The following SIAH3 variants were observed in gnomAD, a reference collection of about 807,000 sequenced individuals.
SIAH3 encodes the protein seven in absentia homolog 3.
SIAH3 carries 9 observed loss-of-function variants against 12.6 expected under a neutral mutation model. The observed-to-expected ratio is 0.72, with a 90% confidence interval of 0.43 to 1.25. The LOEUF is 1.25. Among genes scored for constraint, SIAH3 ranks in the 50% most tolerant of loss-of-function variants. SIAH3 has a pLI of 0.00. For synonymous variants in SIAH3, 154 were observed against 151.1 expected (o/e 1.02, Z -0.14); for missense variants, 390 against 365.4 (o/e 1.07, Z -0.55).
intron 1 of SIAH3, among the ~76,000 whole-genome samples, chr13:45,836,158 G>T (rs1430637959): frequency 6.6e-6 from 1 of 152,188 alleles, no homozygotes; most frequent in Admixed American, 6.5e-5. Flanking sequence ...GCAGATAGAG[G>T]GGGTCAAGGA....
At chr13:45,835,247 G>A (rs931513570) in intron 1 of SIAH3, among the ~76,000 whole-genome samples, 1 of 152,170 alleles carries the variant, frequency 6.6e-6, no homozygotes, top group African/African-American at 2.4e-5. Context: ...GAAACTTGAA[G>A]TATTTCTCAA....
chr13:45,806,214 G>C (rs571750510), intron 1 of SIAH3, among the ~76,000 whole-genome samples: 2 of 152,260 alleles, frequency 1.3e-5, no homozygotes, highest in African/African-American at 2.4e-5. Flanking sequence ...TTCCATTATG[G>C]AGTATATATG....
At chr13:45,813,144 G>A (rs1327884065) in intron 1 of SIAH3, among the ~76,000 whole-genome samples, 1 of 151,930 alleles carries the variant, frequency 6.6e-6, no homozygotes, top group Non-Finnish European at 1.5e-5. Context: ...AACATGGTGA[G>A]CCTGTGTCAG....
At position 45,806,452 on chromosome 13, in the gene SIAH3, G is replaced by A. The variant is rs189873841; in HGVS notation, c.136-22395C>T. On this transcript the variant is annotated intron_variant, in intron 1 of 1. Coordinates refer to ENST00000400405, the MANE Select transcript of SIAH3 (RefSeq NM_198849.3). ...GGAGCTAGAGGCCATGATATTAAGC[G>A]AAGTAATGCAGGAACAGAAAACCAA... is the stretch of plus-strand genomic sequence containing the variant. Among the ~76,000 whole-genome samples, 591 of 152,244 alleles carry A rather than the reference G, an allele frequency of 3.9e-3. 2 individuals carry two copies. The highest frequency in any genetic ancestry group is 0.014 in the African/African-American group (565 of 41,548).
intron 1 of SIAH3, among the ~76,000 whole-genome samples, chr13:45,815,668 C>G (rs1032057948): frequency 6.6e-6 from 1 of 152,194 alleles, no homozygotes. Context: ...TACATCTCAT[C>G]CACTAGGAAG....
At chr13:45,839,725 G>A (rs7987023) in intron 1 of SIAH3, among the ~76,000 whole-genome samples, 15,225 of 152,002 alleles carry the variant, frequency 0.1, 846 homozygotes, top group Middle Eastern at 0.22. Context: ...CCAGCTACTA[G>A]GGAGGCTGAG....
intron 1 of SIAH3, among the ~76,000 whole-genome samples, chr13:45,828,585 G>A (rs61206992): frequency 0.092 from 14,059 of 152,246 alleles, 948 homozygotes; most frequent in East Asian, 0.36. Context: ...ATGAAAGATA[G>A]TCCAAATTTC....
At chr13:45,833,421 G>T (rs115248677) in intron 1 of SIAH3, among the ~76,000 whole-genome samples, 1 of 151,984 alleles carries the variant, frequency 6.6e-6, no homozygotes, top group Non-Finnish European at 1.5e-5. Context: ...CCAGCTGCTT[G>T]CCATGACAGT....
At chr13:45,806,281 G>A (rs1160720904) in intron 1 of SIAH3, among the ~76,000 whole-genome samples, 1 of 152,072 alleles carries the variant, frequency 6.6e-6, no homozygotes, top group African/African-American at 2.4e-5. Context: ...TTTCATCACA[G>A]CACTCCTCAC....
chr13:45,850,204 C>T (rs1050838142), intron 1 of SIAH3, among the ~76,000 whole-genome samples: 3 of 152,220 alleles, frequency 2.0e-5, no homozygotes, highest in Non-Finnish European at 4.4e-5. Flanking sequence ...TCGCCCCTCC[C>T]CCAGGACTGG....
At chr13:45,830,961 C>T (rs1415961296) in intron 1 of SIAH3, among the ~76,000 whole-genome samples, 1 of 152,066 alleles carries the variant, frequency 6.6e-6, no homozygotes, top group Non-Finnish European at 1.5e-5. Context: ...GGCGGATCAC[C>T]TGAGGTTAGG....
intron 1 of SIAH3, among the ~76,000 whole-genome samples, chr13:45,784,398 G>GTTTTTTTTTTTTTTTTTT (rs35686357): frequency 1.1e-3 from 71 of 65,790 alleles, no homozygotes; most frequent in South Asian, 2.1e-3. Flanking sequence ...AAAGACAGCT[G>GTTTTTTTTTTTTTTTTTT]TTTTTTTTTT....
At chr13:45,835,981 A>AGACCTACAT (rs1286772299) in intron 1 of SIAH3, among the ~76,000 whole-genome samples, 2 of 152,228 alleles carry the variant, frequency 1.3e-5, no homozygotes, top group Non-Finnish European at 1.5e-5. Flanking sequence ...TTTATTAATT[A>AGACCTACAT]GACCTACATC....
At chr13:45,793,932 C>T (rs576386001) in intron 1 of SIAH3, among the ~76,000 whole-genome samples, 169 of 152,298 alleles carry the variant, frequency 1.1e-3, no homozygotes, top group African/African-American at 3.9e-3. Flanking sequence ...TTAGAAAAGA[C>T]ATATGAGGAG....
rs1311619481 is a variant in SIAH3, at chr13:45,785,091, A to ATCTTCAC, written c.136-1035_136-1034insGTGAAGA. Among the ~76,000 whole-genome samples the ATCTTCAC allele has an allele frequency of 7.2e-5, 11 of 152,322 alleles. No individual in the cohort carries two copies. In the East Asian group the frequency reaches 2.1e-3, roughly 29 times the overall value. On this transcript the variant is annotated intron_variant, in intron 1 of 1. Transcript: ENST00000400405. ...GGAGCCTGCAAAACTGGTAAGTGAA[A>ATCTTCAC]GACTGGGATTCATCTTCACGCCCCC...
chr13:45,805,004 AC>A (rs1284963811), intron 1 of SIAH3, among the ~76,000 whole-genome samples: 208 of 145,580 alleles, frequency 1.4e-3, no homozygotes, highest in African/African-American at 5.0e-3. Flanking sequence ...ACACACACAC[AC>A]ACACAAAATA....
intron 1 of SIAH3, among the ~76,000 whole-genome samples, chr13:45,824,243 A>C (rs1267466594): frequency 2.0e-5 from 3 of 152,216 alleles, no homozygotes; most frequent in Non-Finnish European, 4.4e-5. Flanking sequence ...AATTCCTTTT[A>C]GTGCCAAACC....
At chr13:45,820,518 TG>T (rs1419712833) in intron 1 of SIAH3, among the ~76,000 whole-genome samples, 2 of 152,224 alleles carry the variant, frequency 1.3e-5, no homozygotes, top group African/African-American at 4.8e-5. Flanking sequence ...GAACATATTT[TG>T]TTTAAGAGTT....
intron 1 of SIAH3, among the ~76,000 whole-genome samples, chr13:45,792,360 A>AC (rs1950548309): frequency 6.9e-6 from 1 of 145,806 alleles, no homozygotes; most frequent in African/African-American, 2.5e-5. Flanking sequence ...GAAGGTATAA[A>AC]TTTTTTTTTT....
Sources: gnomAD v4.1 joint callset for allele counts (sites outside exome capture counted in the v4.1 genomes callset) on GRCh38, gnomAD v4.1.1 for gene constraint, MANE v1.5 for transcripts, NCBI Gene and HGNC (gene_info 2026-07-23, HGNC 2026-07-21) for gene names.